NRXN1: variants seen among roughly 807,000 people sequenced by gnomAD.
NRXN1 encodes the protein neurexin-1.
NRXN1 carries 39 observed loss-of-function variants against 150.9 expected under a neutral mutation model. That is an observed-to-expected ratio of 0.26 (90% CI 0.20 to 0.34). NRXN1 has a LOEUF of 0.34. NRXN1 is among the 10% of genes least tolerant of loss of function. The pLI is 1.00. For missense variants in NRXN1, 1,815 were observed against 1,949.9 expected, an observed-to-expected ratio of 0.93 and a Z score of 1.30; for synonymous variants, 924 against 757.0, an observed-to-expected ratio of 1.22 and a Z score of -3.62.
At chr2:50,744,234 T>TA (rs1189782747) in intron 5 of NRXN1, among the ~76,000 whole-genome samples, 5 of 152,084 alleles carry the variant, frequency 3.3e-5, no homozygotes, top group African/African-American at 1.2e-4. Flanking sequence ...AATAATTTGG[T>TA]AAAAACAATA....
At chr2:50,921,305 T>C (rs960217283) in intron 5 of NRXN1, among the ~76,000 whole-genome samples, 7 of 151,828 alleles carry the variant, frequency 4.6e-5, no homozygotes, top group African/African-American at 1.7e-4. Flanking sequence ...TAGTTGATAA[T>C]GCCCTTAAAA....
At chr2:50,900,867 T>TGAGG (rs1682840424) in intron 5 of NRXN1, among the ~76,000 whole-genome samples, 1 of 152,042 alleles carries the variant, frequency 6.6e-6, no homozygotes, top group Non-Finnish European at 1.5e-5. Flanking sequence ...TCACTGGAGG[T>TGAGG]AGAAAGGAAG....
chr2:50,266,716 G>C (rs1324519343), intron 17 of NRXN1, among the ~76,000 whole-genome samples: 1 of 151,910 alleles, frequency 6.6e-6, no homozygotes, highest in African/African-American at 2.4e-5. Context: ...TCCAGCTTTT[G>C]TCTTTCCTCG....
intron 9 of NRXN1, among the ~76,000 whole-genome samples, chr2:50,550,970 C>G (rs1667383549): frequency 6.6e-6 from 1 of 151,416 alleles, no homozygotes; most frequent in African/African-American, 2.4e-5. Context: ...CGTGAGCCAC[C>G]GCGCCCAGCC....
At chr2:50,496,490 A>G (rs2091629283) in intron 14 of NRXN1, among the ~76,000 whole-genome samples, 1 of 152,166 alleles carries the variant, frequency 6.6e-6, no homozygotes, top group Non-Finnish European at 1.5e-5. Context: ...GTTTGAGGAT[A>G]GGGAACGTGT....
At chr2:50,183,900 G>C (rs1017258858) in intron 18 of NRXN1, among the ~76,000 whole-genome samples, 8 of 151,854 alleles carry the variant, frequency 5.3e-5, no homozygotes, top group African/African-American at 1.7e-4. Context: ...GCAGGCACCG[G>C]TTGTGCTTTA....
At chr2:50,971,757 A>C (rs1223193909) in intron 2 of NRXN1, among the ~76,000 whole-genome samples, 1 of 152,104 alleles carries the variant, frequency 6.6e-6, no homozygotes, top group African/African-American at 2.4e-5. Flanking sequence ...AACACTCTGT[A>C]AACATTACAC....
intron 17 of NRXN1, among the ~76,000 whole-genome samples, chr2:50,241,970 T>C (rs866252069): frequency 4.0e-5 from 6 of 151,826 alleles, no homozygotes; most frequent in South Asian, 2.1e-4. Flanking sequence ...AATAATATAA[T>C]TAACTTCGGA....
chr2:50,094,658 G>T (rs147259608), intron 18 of NRXN1, among the ~76,000 whole-genome samples: 1 of 152,150 alleles, frequency 6.6e-6, no homozygotes, highest in Non-Finnish European at 1.5e-5. Context: ...TAGGACAAAG[G>T]ACACTTGTGG....
chr2:50,763,859 T>A (rs1702094625), intron 5 of NRXN1, among the ~76,000 whole-genome samples: 1 of 151,936 alleles, frequency 6.6e-6, no homozygotes, highest in Non-Finnish European at 1.5e-5. Context: ...GGACATCTCC[T>A]TTTAGTGAAT....
At chr2:50,295,606 T>C (rs2073463856) in intron 17 of NRXN1, among the ~76,000 whole-genome samples, 1 of 152,240 alleles carries the variant, frequency 6.6e-6, no homozygotes, top group Non-Finnish European at 1.5e-5. Context: ...AAAACATCTT[T>C]CACAAATGTG....
intron 17 of NRXN1, among the ~76,000 whole-genome samples, chr2:50,444,930 G>T (rs1383809567): frequency 1.3e-5 from 2 of 151,894 alleles, no homozygotes; most frequent in African/African-American, 4.8e-5. Flanking sequence ...TGATTACTGA[G>T]CTTTTTGGTT....
At chr2:50,227,997 T>C (rs1221771243) in intron 18 of NRXN1, among the ~76,000 whole-genome samples, 1 of 152,028 alleles carries the variant, frequency 6.6e-6, no homozygotes, top group Non-Finnish European at 1.5e-5. Flanking sequence ...TATAACAAAA[T>C]ATAAAATGCT....
chr2:50,871,783 G>A (rs1357390541), intron 5 of NRXN1, among the ~76,000 whole-genome samples: 1 of 151,804 alleles, frequency 6.6e-6, no homozygotes, highest in Non-Finnish European at 1.5e-5. Context: ...AATTCACTTA[G>A]TTTAAGCAGA....
intron 5 of NRXN1, among the ~76,000 whole-genome samples, chr2:50,699,718 T>C (rs938343343): frequency 1.3e-5 from 2 of 152,012 alleles, no homozygotes; most frequent in Non-Finnish European, 2.9e-5. Context: ...GAAAGGAACA[T>C]GGCCCTGCCA....
At chr2:50,691,117 T>C (rs773504595) in intron 5 of NRXN1, among the ~76,000 whole-genome samples, 4 of 152,214 alleles carry the variant, frequency 2.6e-5, no homozygotes, top group Admixed American at 6.5e-5. Flanking sequence ...ATAATTTCTT[T>C]ATAGGCAAAT....
chr2:49,962,107 T>C (rs1240000671), intron 21 of NRXN1, among the ~76,000 whole-genome samples: 3 of 152,272 alleles, frequency 2.0e-5, no homozygotes, highest in South Asian at 2.1e-4. Flanking sequence ...TTGTGGTATA[T>C]GAAGGGGAGG....
intron 2 of NRXN1, among the ~76,000 whole-genome samples, chr2:50,956,220 T>C (rs1692260233): frequency 6.6e-6 from 1 of 152,156 alleles, no homozygotes; most frequent in South Asian, 2.1e-4. Context: ...AATTGGTCTG[T>C]TTTATAAGTT....
At chr2:50,905,781 A>T (rs879109105) in intron 5 of NRXN1, among the ~76,000 whole-genome samples, 1 of 152,076 alleles carries the variant, frequency 6.6e-6, no homozygotes, top group Non-Finnish European at 1.5e-5. Context: ...TGACATATGT[A>T]TTTATGTTCC....
Sources: gnomAD v4.1 joint callset for allele counts (sites outside exome capture counted in the v4.1 genomes callset) on GRCh38, gnomAD v4.1.1 for gene constraint, MANE v1.5 for transcripts, NCBI Gene and HGNC (gene_info 2026-07-23, HGNC 2026-07-21) for gene names.